CACNA1B: variants seen among roughly 807,000 people sequenced by gnomAD.
CACNA1B encodes the protein calcium voltage-gated channel subunit alpha1 B.
A neutral mutation model predicts 247.2 loss-of-function variants in CACNA1B; 70 were observed. The ratio of observed to expected loss-of-function variants is 0.28; its 90% CI spans 0.23 to 0.35. CACNA1B has a LOEUF of 0.35. Ranked by LOEUF, CACNA1B falls within the 10% of genes least tolerant of loss-of-function variation. The pLI, the probability that CACNA1B is intolerant of heterozygous loss-of-function variation, is 1.00. For missense variants in CACNA1B, 2,367 were observed against 3,197.4 expected, an observed-to-expected ratio of 0.74 and a Z score of 6.26; for synonymous variants, 1,231 against 1,294.4, an observed-to-expected ratio of 0.95 and a Z score of 1.05.
rs201890743 is a variant in CACNA1B at position 137,917,368 on chromosome 9, G to C, written c.903G>C (p.Leu301=). The change falls in exon 6 of 47, where the codon CTG becomes CTC. Residue 301 remains leucine, a synonymous_variant. Transcript: ENST00000371372. This position sits in a 1 kb window ranked among gnomAD's most constrained non-coding sequence, Gnocchi z 5.5. ...GCATCACCAACTTTGACAATATCCT[G>C]TTTGCCATCTTGACGGTGTTCCAGT... ...NFGITNFDNI[L]FAILTVFQCI... The C allele has an allele frequency of 5.6e-6, 9 of 1,613,882 alleles. No homozygotes were observed. Among genetic ancestry groups the C allele is most frequent in the African/African-American group, 1.3e-5 (1 of 74,922 alleles).
intron 6 of CACNA1B, among the ~76,000 whole-genome samples, chr9:137,943,738 G>C (rs1329057026): frequency 6.6e-6 from 1 of 152,116 alleles, no homozygotes; most frequent in East Asian, 1.9e-4. Context: ...AGAAGAGGAG[G>C]GGGTGGTTGT....
chr9:138,120,884 A>T lies in CACNA1B; in HGVS notation c.6489+3A>T, dbSNP rs1157660907. 1.3e-6 allele frequency: 2 copies of T among 1,564,996 alleles called. No individual in the cohort carries two copies. The highest frequency in any genetic ancestry group is 1.7e-6 in the Non-Finnish European group (2 of 1,155,570). On this transcript the variant is annotated splice_donor_region_variant and intron_variant, in intron 46 of 46. Coordinates refer to ENST00000371372, the MANE Select transcript of CACNA1B (RefSeq NM_000718.4). ...AGGAGCCGGGACCCCACCCACAGGT[A>T]AGAGGAATAGGTGGAGAGGTCAGGG... is the stretch of plus-strand genomic sequence containing the variant.
At position 138,013,109 on chromosome 9, in the gene CACNA1B, A is replaced by G; in HGVS notation, c.2161-20A>G. ...TATAACACTGTGAGGGGAACTGGAC[A>G]TTTCTCTTTGCTCAAACAGGATGAA... is the stretch of plus-strand genomic sequence containing the variant. On this transcript the variant is annotated intron_variant, in intron 17 of 46. Coordinates refer to ENST00000371372, the MANE Select transcript of CACNA1B (RefSeq NM_000718.4). 6.3e-7 allele frequency: 1 copy of G among 1,590,354 alleles called. No individual in the cohort carries two copies.
intron 12 of CACNA1B, among the ~76,000 whole-genome samples, chr9:137,978,250 G>A (rs1485637355): frequency 7.0e-6 from 1 of 143,700 alleles, no homozygotes; most frequent in Non-Finnish European, 1.5e-5. Flanking sequence ...TGAAGGGTGG[G>A]AGCACTACCC....
intron 15 of CACNA1B, among the ~76,000 whole-genome samples, chr9:137,996,889 CA>C (rs1458556145): frequency 6.6e-6 from 1 of 152,122 alleles, no homozygotes; most frequent in African/African-American, 2.4e-5. Flanking sequence ...ATCACTTCTG[CA>C]AATACAGATC....
rs1010087120 is a variant in CACNA1B at position 138,010,989 on chromosome 9, G to A, written c.2160+912G>A. 6.6e-6 allele frequency among the ~76,000 whole-genome samples: 1 copy of A among 152,204 alleles called. No individual in the cohort carries two copies. The highest frequency in any genetic ancestry group is 1.5e-5 in the Non-Finnish European group (1 of 68,038). On this transcript the variant is annotated intron_variant, in intron 17 of 46. Transcript: ENST00000371372. This position sits in a 1 kb window ranked among gnomAD's most constrained non-coding sequence, Gnocchi z 5.3. ...CCCAGCCGAGCTCTCCAGGAGGGGG[G>A]TGTGGTCCATGCGGTGTGCCAGCTG...
At chr9:137,992,038 A>C (rs1459031963) in intron 15 of CACNA1B, among the ~76,000 whole-genome samples, 1 of 152,228 alleles carries the variant, frequency 6.6e-6, no homozygotes, top group Non-Finnish European at 1.5e-5. Context: ...TGAAAAAAAC[A>C]GCATGGTATT....
rs530354206 is a variant in CACNA1B, at chr9:138,052,419, A to G, written c.3807+231A>G. On this transcript the variant is annotated intron_variant, in intron 25 of 46. Coordinates refer to ENST00000371372, the MANE Select transcript of CACNA1B (RefSeq NM_000718.4). This position sits in a 1 kb window ranked among gnomAD's most constrained non-coding sequence, Gnocchi z 5.1. ...CCTTAGCCCAGCAGGACCAGGCGGCACAGGGTTTTTCTTCAGCAGCTGCAG... is the reference window on the plus strand; with the variant it reads ...CCTTAGCCCAGCAGGACCAGGCGGCGCAGGGTTTTTCTTCAGCAGCTGCAG... Among the ~76,000 whole-genome samples the G allele has an allele frequency of 2.0e-5, 3 of 152,258 alleles. No individual in the cohort carries two copies. The South Asian group carries it at 6.2e-4, about 32-fold the overall frequency.
chr9:137,965,573 T>TTTTATTTA lies in CACNA1B; in HGVS notation c.1334-5773_1334-5766dup, dbSNP rs10586603. ...GGTGCATGCCTGTAGTCCTACTTCA[T>TTTTATTTA]TTTATTTATTTATTTATTTATTTAT... On this transcript the variant is annotated intron_variant, in intron 10 of 46. Coordinates refer to ENST00000371372, the MANE Select transcript of CACNA1B (RefSeq NM_000718.4). Among the ~76,000 whole-genome samples, 1,248 of 148,518 alleles carry TTTTATTTA rather than the reference T, an allele frequency of 8.4e-3. 9 individuals carry two copies. Among genetic ancestry groups the TTTTATTTA allele is most frequent in the Middle Eastern group, 0.031 (9 of 294 alleles).
Position 138,120,255 on chromosome 9 carries a change from C to T in CACNA1B, c.6121C>T (p.Arg2041Cys), listed in dbSNP as rs201015728. 94 of 1,601,998 alleles carry T rather than the reference C, an allele frequency of 5.9e-5. No individual in the cohort carries two copies. The highest frequency in any genetic ancestry group is 3.5e-4 in the African/African-American group (26 of 74,574). The change falls in exon 45 of 47, where the codon CGC becomes TGC. Residue 2041 changes from arginine (R) to cysteine (C), a missense_variant. This residue lies in a region of CACNA1B where 773 missense variants were observed against 779.4 expected (regional missense o/e 0.99). Transcript: ENST00000371372. ...TCATCTTTGCAGCACCACCCCGGAC[C>T]GCCCACCCCCTAGCCAGGCGTCGTC... Reference protein sequence around the residue: ...GTHLCSTTPDRPPPSQASSHH... With the variant: ...GTHLCSTTPDCPPPSQASSHH...
rs1364689571 is a variant in CACNA1B at position 137,880,623 on chromosome 9, G to T, written c.390+1464G>T. 6.6e-6 allele frequency among the ~76,000 whole-genome samples: 1 copy of T among 152,302 alleles called. No homozygotes were observed. Among genetic ancestry groups the T allele is most frequent in the Middle Eastern group, 3.4e-3 (1 of 294 alleles). On this transcript the variant is annotated intron_variant, in intron 2 of 46. Transcript: ENST00000371372. This position sits in a 1 kb window ranked among gnomAD's most constrained non-coding sequence, Gnocchi z 4.8. ...GGGAGGGTTTACTTTGTGGTCATAG[G>T]TTGGGGAGGACACTTCTAGGAGTGG...
intron 6 of CACNA1B, among the ~76,000 whole-genome samples, chr9:137,940,497 G>A (rs1957721340): frequency 6.6e-6 from 1 of 152,130 alleles, no homozygotes; most frequent in Non-Finnish European, 1.5e-5. Flanking sequence ...CATTCAAAGA[G>A]AATTGGTACC....
intron 36 of CACNA1B, among the ~76,000 whole-genome samples, chr9:138,089,332 G>T (rs1960804941): frequency 6.6e-6 from 1 of 152,166 alleles, no homozygotes; most frequent in South Asian, 2.1e-4. Flanking sequence ...GATCAAATGG[G>T]ATTTATTCCT....
In CACNA1B at chr9:137,974,760, G is replaced by A. The variant is rs534439848; in HGVS notation, c.1544-1147G>A. 2.1e-4 allele frequency among the ~76,000 whole-genome samples: 32 copies of A among 152,314 alleles called. No individual in the cohort carries two copies. In the East Asian group the frequency reaches 4.5e-3, roughly 21 times the overall value. ...GGGATTCAGAAGCCCTGGGAAGGCC[G>A]AGCTGGACTCTGCCCAGTTGTGGAC... On this transcript the variant is annotated intron_variant, in intron 11 of 46. Transcript: ENST00000371372. The surrounding 1 kb of genome is among the most constrained non-coding windows in gnomAD (Gnocchi z 4.5).
chr9:138,006,911 G>C, intron 16 of CACNA1B, 27 bp downstream of exon 16: 1 of 1,276,786 alleles, frequency 7.8e-7, no homozygotes, highest in South Asian at 1.2e-5. Context: ...CTGGGGCAGA[G>C]GGTGGTCAGT....
At chr9:138,055,899 A>C (rs1435297385) in intron 26 of CACNA1B, among the ~76,000 whole-genome samples, 1 of 151,996 alleles carries the variant, frequency 6.6e-6, no homozygotes. Context: ...GGTGGCCAGC[A>C]CCTGTAATCC....
rs565894963 is a variant in CACNA1B, at chr9:138,100,847, G to A, written c.5223-1864G>A. On this transcript the variant is annotated intron_variant, in intron 37 of 46. Transcript: ENST00000371372. This position sits in a 1 kb window ranked among gnomAD's most constrained non-coding sequence, Gnocchi z 4.6. ...CAGGGAGTGAGAGGAAGAGCTGACC[G>A]AGAGGGAGGGGCAGGGCAGTGTTCT... Among the ~76,000 whole-genome samples, 96 of 152,256 alleles carry A rather than the reference G, an allele frequency of 6.3e-4. No individual in the cohort carries two copies. Among genetic ancestry groups the A allele is most frequent in the Non-Finnish European group, 1.3e-3 (90 of 68,020 alleles).
At chr9:138,044,115 G>T (rs1004347926) in intron 21 of CACNA1B, among the ~76,000 whole-genome samples, 1 of 152,240 alleles carries the variant, frequency 6.6e-6, no homozygotes, top group Non-Finnish European at 1.5e-5. Flanking sequence ...GCTGGGGTGA[G>T]CTCCAGGCCT....
At chr9:138,065,636 C>G (rs1051972465) in intron 31 of CACNA1B, among the ~76,000 whole-genome samples, 10 of 152,158 alleles carry the variant, frequency 6.6e-5, no homozygotes, top group African/African-American at 2.4e-4. Context: ...CCCTGGTCCT[C>G]CCTTGAGTCC....
Sources: allele counts gnomAD v4.1 joint callset (sites outside exome capture counted in the v4.1 genomes callset), GRCh38; gene constraint gnomAD v4.1.1; regional missense constraint gnomAD v4.1.1; non-coding constraint Gnocchi (gnomAD v3.1); transcripts MANE v1.5; gene names NCBI Gene and HGNC (gene_info 2026-07-23, HGNC 2026-07-21).